Variants in BRD1 observed in about 807,000 individuals in gnomAD.
BRD1 encodes the protein bromodomain-containing protein 1.
A neutral mutation model predicts 107.7 loss-of-function variants in BRD1; 24 were observed. The observed-to-expected ratio is 0.22, with a 90% CI of 0.16 to 0.31. BRD1 has a LOEUF of 0.31. Ranked by LOEUF, BRD1 falls within the 10% of genes least tolerant of loss-of-function variation. BRD1 has a pLI of 1.00. For missense variants in BRD1, 1,279 were observed against 1,638.6 expected (o/e 0.78, Z 3.79); for synonymous variants, 744 against 686.1 (o/e 1.08, Z -1.32).
Position 49,787,439 on chromosome 22 carries a change from G to C in BRD1, c.2808C>G (p.Cys936Trp), listed in dbSNP as rs766018593. Reference protein sequence around the residue: ...LQPRKRSRSTCGDSEVEEESP... With the variant: ...LQPRKRSRSTWGDSEVEEESP... The stretch of plus-strand genomic sequence containing the variant: ...ACTCCTCCTCCACCTCGGAGTCTCC[G>C]CATGTGCTCCGCGACCTTTTCCTTG... Residue 936 changes from cysteine (C) to tryptophan (W), a missense_variant, in exon 8 of 13, where the codon TGC becomes TGG. Cys to Trp is a radical substitution (Grantham distance 215, BLOSUM62 -2). Around this residue, in one of 7 missense-constraint regions of BRD1, gnomAD observed 263 missense variants for 251.6 expected, o/e 1.05. Coordinates refer to ENST00000404760, the MANE Select transcript of BRD1 (RefSeq NM_001304808.3). 6.2e-7 allele frequency: 1 copy of C among 1,613,992 alleles called. No homozygotes were observed. The highest frequency in any genetic ancestry group is 1.3e-5 in the African/African-American group (1 of 74,928).
chr22:49,827,112 G>A (rs1168459175), intron 1 of BRD1, among the ~76,000 whole-genome samples: 3 of 151,834 alleles, frequency 2.0e-5, no homozygotes, highest in Non-Finnish European at 4.4e-5. Context: ...GGGGCGGCCC[G>A]GCCGGCTCGG....
rs559954446 is a variant in BRD1 at position 49,800,018 on chromosome 22, G to A, written c.1525-899C>T. On this transcript the variant is annotated intron_variant, in intron 3 of 12. Transcript: ENST00000404760. ...TCCTCCACAGCTGCAGGACACGCGC[G>A]CCCTGCCAGCCTCAGGACAGCCGTG... is the stretch of plus-strand genomic sequence containing the variant. Among the ~76,000 whole-genome samples the A allele has an allele frequency of 6.0e-4, 92 of 152,254 alleles. 1 individual carries two copies. The highest frequency in any genetic ancestry group is 6.8e-3 in the Middle Eastern group (2 of 294).
chr22:49,798,406 C>G (rs2059576341), intron 5 of BRD1, 152 bp downstream of exon 5: 1 of 1,356,730 alleles, frequency 7.4e-7, no homozygotes, highest in African/African-American at 1.5e-5. Context: ...AAATGTATCA[C>G]TTTTATAATT....
intron 2 of BRD1, among the ~76,000 whole-genome samples, chr22:49,807,383 G>A (rs1442321781): frequency 6.6e-6 from 1 of 152,120 alleles, no homozygotes; most frequent in Non-Finnish European, 1.5e-5. Flanking sequence ...CAAAGCTACG[G>A]TCATCAAAAC....
chr22:49,782,697 C>A (rs1342088058), intron 8 of BRD1, among the ~76,000 whole-genome samples: 37 of 143,116 alleles, frequency 2.6e-4, no homozygotes, highest in Non-Finnish European at 4.7e-4. Context: ...CAGAGACAGA[C>A]CCAAGGCCCA....
intron 2 of BRD1, among the ~76,000 whole-genome samples, chr22:49,819,941 C>T (rs150309031): frequency 0.034 from 5,108 of 151,930 alleles, 154 homozygotes; most frequent in Middle Eastern, 0.17. Context: ...ACCAGCCTGG[C>T]CAACATGGTG....
Position 49,824,141 on chromosome 22 carries a change from G to A in BRD1, c.177C>T (p.Ile59=). The A allele has an allele frequency of 1.2e-6, 2 of 1,613,960 alleles. No individual in the cohort carries two copies. The highest frequency in any genetic ancestry group is 1.3e-5 in the African/African-American group (1 of 75,036). ...HRISIFDPLE[I]ILEDDLTAQE... is the part of the protein sequence containing the mutation. ...GAGCAGTGAGGTCATCTTCCAATAT[G>A]ATCTCCAGGGGATCAAAAATACTGA... The change falls in exon 2 of 13, where the codon ATC becomes ATT. Residue 59 remains isoleucine (I), a synonymous_variant. Coordinates refer to ENST00000404760, the MANE Select transcript of BRD1 (RefSeq NM_001304808.3). This position sits in a 1 kb window ranked among gnomAD's most constrained non-coding sequence, Gnocchi z 5.9.
chr22:49,826,900 T>C (rs1019931695), intron 1 of BRD1, among the ~76,000 whole-genome samples: 20 of 152,190 alleles, frequency 1.3e-4, no homozygotes, highest in South Asian at 8.3e-4. Context: ...TGCGCCTCAA[T>C]CGTGTCACTC....
chr22:49,805,341 G>A (rs2059721173), intron 2 of BRD1: 1 of 152,346 alleles, frequency 6.6e-6, no homozygotes, highest in Non-Finnish European at 1.5e-5. Flanking sequence ...TGACCGTGAG[G>A]TGCCTTCTCA....
rs1429372853 is a variant in BRD1, at chr22:49,777,073, C to T, written c.3082G>A (p.Glu1028Lys). 4 of 1,613,288 alleles carry T rather than the reference C, an allele frequency of 2.5e-6. No individual in the cohort carries two copies. The highest frequency in any genetic ancestry group is 1.6e-4 in the Middle Eastern group (1 of 6,062). Residue 1028 changes from glutamate (E) to lysine (K), a missense_variant, in exon 10 of 13, where the codon GAG becomes AAG. Glu to Lys is a moderately conservative substitution (Grantham distance 56). Coordinates refer to ENST00000404760, the MANE Select transcript of BRD1 (RefSeq NM_001304808.3). ...EDRSELISCI[E>K]NGNYAKAARI... The stretch of plus-strand genomic sequence containing the variant: ...GCCGCCTTGGCGTAGTTCCCATTCT[C>T]GATGCAGGAGATCAGCTCACTGCGG...
At chr22:49,826,121 G>A (rs996250240) in intron 1 of BRD1, 3 of 964,612 alleles carry the variant, frequency 3.1e-6, no homozygotes, top group Non-Finnish European at 3.7e-6. Context: ...CATTACTGAG[G>A]TGGGGCAGAA....
chr22:49,778,011 CAACTT>C (rs2146936680), intron 8 of BRD1, among the ~76,000 whole-genome samples, 198 bp from the exon 9 acceptor site: 1 of 152,344 alleles, frequency 6.6e-6, no homozygotes, highest in African/African-American at 2.4e-5. Context: ...TAAATGAAAT[CAACTT>C]AACAAACTGC....
chr22:49,789,505 G>T (rs1423157635), intron 7 of BRD1, among the ~76,000 whole-genome samples: 1 of 78,252 alleles, frequency 1.3e-5, no homozygotes, highest in African/African-American at 4.4e-5. Flanking sequence ...CCCCCGCCCC[G>T]AGCTCTCGCC....
rs2059035449 is a variant in BRD1 at position 49,774,138 on chromosome 22, T to C, written c.*95A>G. 7.1e-7 allele frequency: 1 copy of C among 1,415,544 alleles called. No individual in the cohort carries two copies. Among genetic ancestry groups the C allele is most frequent in the Non-Finnish European group, 9.4e-7 (1 of 1,063,366 alleles). 87.7% of individuals were successfully genotyped at this position (1,415,544 alleles called of 1,614,324 possible). On this transcript the variant is annotated 3_prime_UTR_variant, in exon 13 of 13. Transcript: ENST00000404760. ...CCGGGGAAAAAGAATTAAAGAGCTA[T>C]AACTAAAAATCAGAATAAGTTAAGT...
chr22:49,783,540 G>A lies in BRD1; in HGVS notation c.2857+3850C>T, dbSNP rs2059257917. Among the ~76,000 whole-genome samples, 2 of 152,308 alleles carry A rather than the reference G, an allele frequency of 1.3e-5. No homozygotes were observed. Among genetic ancestry groups the A allele is most frequent in the South Asian group, 2.1e-4 (1 of 4,830 alleles). On this transcript the variant is annotated intron_variant, in intron 8 of 12. Coordinates refer to ENST00000404760, the MANE Select transcript of BRD1 (RefSeq NM_001304808.3). The surrounding 1 kb of genome is among the most constrained non-coding windows in gnomAD (Gnocchi z 4.2). ...CCCAAACCACCAGTCACTATGGGAC[G>A]GCTCCGCACATGCTCAGGACAGCCT...
chr22:49,809,549 AT>A (rs1189998072), intron 2 of BRD1, among the ~76,000 whole-genome samples: 4,406 of 133,470 alleles, frequency 0.033, 234 homozygotes, highest in African/African-American at 0.11. Flanking sequence ...TCCAAAAAAA[AT>A]ATATATATAT....
intron 11 of BRD1, 85 bp downstream of exon 11, chr22:49,775,965 C>A: frequency 7.8e-7 from 1 of 1,278,218 alleles, no homozygotes. Flanking sequence ...CTTGGACCAC[C>A]GCCGTGAGCC....
chr22:49,798,959 C>A, intron 4 of BRD1, 29 bp downstream of exon 4: 1 of 1,577,650 alleles, frequency 6.3e-7, no homozygotes, highest in South Asian at 1.1e-5. Context: ...GCCAGTGGTG[C>A]ACTCCACGCG....
chr22:49,822,316 T>C (rs1459157443), intron 2 of BRD1, among the ~76,000 whole-genome samples: 1 of 151,760 alleles, frequency 6.6e-6, no homozygotes, highest in East Asian at 1.9e-4. Context: ...TCCCAGCTAC[T>C]CAGGAGGCTG....
Sources: allele counts gnomAD v4.1 joint callset (sites outside exome capture counted in the v4.1 genomes callset), GRCh38; gene constraint gnomAD v4.1.1; regional missense constraint gnomAD v4.1.1; non-coding constraint Gnocchi (gnomAD v3.1); transcripts MANE v1.5; gene names NCBI Gene and HGNC (gene_info 2026-07-23, HGNC 2026-07-21).